The following RBFOX1 variants were observed in gnomAD, a reference collection of about 807,000 sequenced individuals.
RBFOX1 encodes the protein RNA binding fox-1 homolog 1, also known as RNA binding protein fox-1 homolog 1.
Under a neutral mutation model 57.7 loss-of-function variants are expected in RBFOX1, and 8 were observed. The observed-to-expected ratio is 0.14, with a 90% confidence interval of 0.08 to 0.25. The LOEUF (loss-of-function observed/expected upper bound fraction) is 0.25. RBFOX1 is among the 10% of genes least tolerant of loss of function. The probability of loss-of-function intolerance (pLI) is 1.00; values close to 1 mark genes in which losing one functional copy is unlikely to be tolerated. For missense variants in RBFOX1, 611 were observed against 548.5 expected (o/e 1.11, Z -1.14); for synonymous variants, 326 against 222.4 (o/e 1.47, Z -4.15).
chr16:5,627,760 A>C (rs1483878159), intron 3 of RBFOX1, among the ~76,000 whole-genome samples: 3 of 152,226 alleles, frequency 2.0e-5, no homozygotes. Flanking sequence ...TAGCATTTAC[A>C]TTGTATTGAA....
intron 4 of RBFOX1, among the ~76,000 whole-genome samples, chr16:7,182,569 C>G (rs2152532325): frequency 6.6e-6 from 1 of 152,226 alleles, no homozygotes; most frequent in Non-Finnish European, 1.5e-5. Context: ...CATCCTGTTG[C>G]AAAGAACAGA....
chr16:7,083,617 C>T (rs190282909), intron 4 of RBFOX1, among the ~76,000 whole-genome samples: 139 of 152,244 alleles, frequency 9.1e-4, no homozygotes, highest in Non-Finnish European at 1.4e-3. Context: ...GCACAAGAAA[C>T]AACTTATTAC....
intron 4 of RBFOX1, among the ~76,000 whole-genome samples, chr16:5,944,621 A>G (rs553369366): frequency 2.0e-5 from 3 of 150,956 alleles, no homozygotes; most frequent in African/African-American, 7.3e-5. Flanking sequence ...GGAAATCTAT[A>G]CTGTCCCCGC....
intron 1 of RBFOX1, among the ~76,000 whole-genome samples, chr16:5,393,345 G>A (rs145010630): frequency 2.1e-4 from 32 of 152,330 alleles, no homozygotes; most frequent in African/African-American, 7.2e-4. Flanking sequence ...CAGCTTGGGT[G>A]TATCTGTCCG....
chr16:6,126,761 A>G (rs886762926), intron 1 of RBFOX1, among the ~76,000 whole-genome samples: 1 of 152,144 alleles, frequency 6.6e-6, no homozygotes, highest in African/African-American at 2.4e-5. Context: ...AATAGTCAAC[A>G]TGTATGTATC....
intron 4 of RBFOX1, among the ~76,000 whole-genome samples, chr16:7,076,260 C>G (rs1426700799): frequency 3.9e-5 from 6 of 152,060 alleles, no homozygotes; most frequent in African/African-American, 1.4e-4. Context: ...TCTTGATCTC[C>G]TGACCTCATG....
At chr16:7,257,025 G>A (rs1333882437) in intron 4 of RBFOX1, among the ~76,000 whole-genome samples, 2 of 152,010 alleles carry the variant, frequency 1.3e-5, no homozygotes. Flanking sequence ...CCTCTGATCC[G>A]ACCCTCCTGG....
chr16:7,135,418 C>A (rs2152034772), intron 4 of RBFOX1, among the ~76,000 whole-genome samples: 1 of 152,348 alleles, frequency 6.6e-6, no homozygotes, highest in Non-Finnish European at 1.5e-5. Flanking sequence ...AGATTTATGA[C>A]TTTGCATCTT....
chr16:6,873,561 T>C (rs745337601), intron 3 of RBFOX1, among the ~76,000 whole-genome samples: 3 of 152,180 alleles, frequency 2.0e-5, no homozygotes, highest in African/African-American at 4.8e-5. Flanking sequence ...AAAGAACAAC[T>C]TTGCTGCATA....
intron 4 of RBFOX1, among the ~76,000 whole-genome samples, chr16:7,106,880 T>C (rs1236961498): frequency 6.6e-6 from 1 of 152,050 alleles, no homozygotes; most frequent in Non-Finnish European, 1.5e-5. Context: ...CAAGTATTTA[T>C]CATGCACCAG....
At chr16:6,959,628 G>C (rs776345184) in intron 3 of RBFOX1, among the ~76,000 whole-genome samples, 4 of 152,132 alleles carry the variant, frequency 2.6e-5, no homozygotes, top group Non-Finnish European at 1.5e-5. Context: ...CACTGACTGA[G>C]TGGTTACGTT....
intron 3 of RBFOX1, among the ~76,000 whole-genome samples, chr16:5,721,839 C>A (rs1038423809): frequency 2.8e-4 from 42 of 152,194 alleles, no homozygotes; most frequent in Admixed American, 2.6e-3. Context: ...ACTAGAGAAT[C>A]TCAGTGCTAA....
intron 1 of RBFOX1, among the ~76,000 whole-genome samples, chr16:5,393,769 A>G (rs1046018288): frequency 4.6e-5 from 7 of 152,212 alleles, no homozygotes; most frequent in South Asian, 2.1e-4. Context: ...TTCATTGGCT[A>G]TAAGTCTGTT....
chr16:5,687,731 C>A (rs1477011309), intron 3 of RBFOX1, among the ~76,000 whole-genome samples: 1 of 152,192 alleles, frequency 6.6e-6, no homozygotes, highest in Non-Finnish European at 1.5e-5. Context: ...CCCCTTCATT[C>A]TCAGGAAAAC....
chr16:6,441,208 C>T (rs982439398), intron 2 of RBFOX1, among the ~76,000 whole-genome samples: 2 of 152,000 alleles, frequency 1.3e-5, no homozygotes, highest in Admixed American at 6.6e-5. Context: ...TGTCTAATGC[C>T]GCTGATCTCA....
intron 1 of RBFOX1, among the ~76,000 whole-genome samples, chr16:5,402,154 G>A (rs1002448926): frequency 6.6e-6 from 1 of 152,134 alleles, no homozygotes; most frequent in African/African-American, 2.4e-5. Flanking sequence ...CCAGGAGCGG[G>A]AAGAGGAGGG....
At chr16:6,291,919 T>G (rs2077505802) in intron 1 of RBFOX1, among the ~76,000 whole-genome samples, 1 of 152,030 alleles carries the variant, frequency 6.6e-6, no homozygotes. Flanking sequence ...TTATAATCTT[T>G]CAAAAGTTAT....
chr16:5,588,959 T>C (rs2046920906), intron 2 of RBFOX1, among the ~76,000 whole-genome samples: 1 of 151,860 alleles, frequency 6.6e-6, no homozygotes, highest in Non-Finnish European at 1.5e-5. Context: ...GAGTTGAGGA[T>C]GGTTTGGGGC....
chr16:5,709,780 G>A (rs2051384136), intron 3 of RBFOX1, among the ~76,000 whole-genome samples: 1 of 110,274 alleles, frequency 9.1e-6, no homozygotes, highest in African/African-American at 3.6e-5. Flanking sequence ...TGAAGCCACT[G>A]TAATCTACTG....
Sources: allele counts gnomAD v4.1 joint callset (sites outside exome capture counted in the v4.1 genomes callset), GRCh38; gene constraint gnomAD v4.1.1; transcripts MANE v1.5; gene names NCBI Gene and HGNC (gene_info 2026-07-23, HGNC 2026-07-21).